PDE3A: variants seen among roughly 807,000 people sequenced by gnomAD.
The protein encoded by PDE3A is cGMP-inhibited 3',5'-cyclic phosphodiesterase 3A.
In PDE3A, 43 loss-of-function variants were observed where a neutral mutation model predicts 98.3. The ratio of observed to expected loss-of-function variants is 0.44; its 90% CI spans 0.34 to 0.56. The LOEUF (loss-of-function observed/expected upper bound fraction) is 0.56. Among genes scored for constraint, PDE3A ranks in the 20% least tolerant of loss-of-function variants. PDE3A has a pLI of 0.01. For synonymous variants in PDE3A, 663 were observed against 567.9 expected (o/e 1.17, Z -2.38); for missense variants, 1,427 against 1,440.7 (o/e 0.99, Z 0.15).
intron 1 of PDE3A, among the ~76,000 whole-genome samples, chr12:20,460,636 A>G (rs777607014): frequency 5.9e-5 from 9 of 152,216 alleles, no homozygotes; most frequent in Non-Finnish European, 8.8e-5. Context: ...AGACAAGACT[A>G]CTTTTTCATT....
At chr12:20,540,535 A>G (rs747379195) in intron 1 of PDE3A, among the ~76,000 whole-genome samples, 28 of 152,132 alleles carry the variant, frequency 1.8e-4, no homozygotes, top group Non-Finnish European at 7.4e-5. Context: ...TCATTCCTTC[A>G]TGACAACTTC....
Position 20,607,714 on chromosome 12 carries a change from A to AC in PDE3A, c.1012-5729_1012-5728insC, listed in dbSNP as rs768374314. 3.4e-3 allele frequency among the ~76,000 whole-genome samples: 497 copies of AC among 147,744 alleles called. 5 individuals are homozygous for AC. The highest frequency in any genetic ancestry group is 0.011 in the African/African-American group (446 of 40,510). ...GTAGAATGTTTTATATTGCTTGGTA[A>AC]GTTTTTTTTTTTAAAGGAAAAGATT... is the stretch of plus-strand genomic sequence containing the variant. On this transcript the variant is annotated intron_variant, in intron 2 of 15. Coordinates refer to ENST00000359062, the MANE Select transcript of PDE3A (RefSeq NM_000921.5).
At chr12:20,438,623 G>T (rs1001706474) in intron 1 of PDE3A, among the ~76,000 whole-genome samples, 10 of 152,174 alleles carry the variant, frequency 6.6e-5, no homozygotes, top group Non-Finnish European at 1.2e-4. Context: ...ACAGGATATG[G>T]ACTTGCTATG....
rs1190498480 is a variant in PDE3A, at chr12:20,685,086, T to G, written c.*4815T>G. On this transcript the variant is annotated 3_prime_UTR_variant, in exon 16 of 16. Coordinates refer to ENST00000359062, the MANE Select transcript of PDE3A (RefSeq NM_000921.5). ...TTTTTGTGTTCCCACCAGCAAATCA[T>G]TCTAACAGCAGGCTAACAATGGTGA... Among the ~76,000 whole-genome samples the G allele has an allele frequency of 2.0e-5, 3 of 152,162 alleles. No homozygotes were observed. Among genetic ancestry groups the G allele is most frequent in the African/African-American group, 7.2e-5 (3 of 41,448 alleles).
chr12:20,438,786 G>A (rs944907655), intron 1 of PDE3A, among the ~76,000 whole-genome samples: 1 of 150,154 alleles, frequency 6.7e-6, no homozygotes, highest in Non-Finnish European at 1.5e-5. Context: ...TTGAGATGGA[G>A]TCTTGCTTTG....
chr12:20,594,201 AT>A (rs10711428), intron 2 of PDE3A, among the ~76,000 whole-genome samples: 150,130 of 152,288 alleles, frequency 0.99, 74,027 homozygotes, highest in East Asian at 1. Flanking sequence ...TTAGTAGAGG[AT>A]AATGCTAACA....
At chr12:20,386,219 AT>A (rs1469417480) in intron 1 of PDE3A, among the ~76,000 whole-genome samples, 2 of 39,408 alleles carry the variant, frequency 5.1e-5, no homozygotes, top group East Asian at 7.9e-3. Context: ...ATATAAATAT[AT>A]AAAAAATAAA....
chr12:20,651,944 G>A (rs1196463658), intron 14 of PDE3A, among the ~76,000 whole-genome samples: 2 of 133,316 alleles, frequency 1.5e-5, no homozygotes, highest in South Asian at 5.2e-4. Flanking sequence ...ACAGTCCCCA[G>A]TGTGTGATGT....
chr12:20,391,004 A>T (rs1306013848), intron 1 of PDE3A, among the ~76,000 whole-genome samples: 1 of 151,924 alleles, frequency 6.6e-6, no homozygotes, highest in Non-Finnish European at 1.5e-5. Flanking sequence ...CTGAGTCAGT[A>T]CAGACTTCAG....
chr12:20,432,054 CAATG>C (rs776268632), intron 1 of PDE3A, among the ~76,000 whole-genome samples: 1 of 151,984 alleles, frequency 6.6e-6, no homozygotes, highest in Non-Finnish European at 1.5e-5. Flanking sequence ...GTGCCAATGA[CAATG>C]AAATATTTGA....
chr12:20,668,554 C>G (rs189385012), intron 15 of PDE3A, among the ~76,000 whole-genome samples: 50 of 152,314 alleles, frequency 3.3e-4, no homozygotes, highest in African/African-American at 1.2e-3. Flanking sequence ...GACCCCTGAG[C>G]AGCCTAACTG....
intron 1 of PDE3A, among the ~76,000 whole-genome samples, chr12:20,389,902 T>C (rs1943882346): frequency 6.6e-6 from 1 of 151,798 alleles, no homozygotes; most frequent in African/African-American, 2.4e-5. Flanking sequence ...AGGCTGACTA[T>C]AATCAATTTC....
chr12:20,673,106 T>C (rs1009547414), intron 15 of PDE3A, among the ~76,000 whole-genome samples: 302 of 152,102 alleles, frequency 2.0e-3, no homozygotes, highest in African/African-American at 7.0e-3. Context: ...AAAATGCTCA[T>C]CATCACTGGC....
intron 2 of PDE3A, chr12:20,572,121 T>A: frequency 1.6e-6 from 2 of 1,278,746 alleles, no homozygotes; most frequent in Non-Finnish European, 2.0e-6. Flanking sequence ...TCATTACTGA[T>A]TATACATGGT....
rs1272651925 is a variant in PDE3A at position 20,648,629 on chromosome 12, C to G, written c.2566-59C>G. 3.7e-6 allele frequency: 4 copies of G among 1,081,258 alleles called. No individual in the cohort carries two copies. In the East Asian group the frequency reaches 9.5e-5, roughly 26 times the overall value. The allele number at this position is 1,081,258 out of a possible 1,614,324, so 67.0% of individuals were successfully genotyped here. Reference sequence around the variant, plus strand: ...CAATTTCAAAAGCATTGCATATTCTCATGATTTTTGTGATTATTTTCTTAA... The same window carrying G: ...CAATTTCAAAAGCATTGCATATTCTGATGATTTTTGTGATTATTTTCTTAA... On this transcript the variant is annotated intron_variant, in intron 12 of 15. Coordinates refer to ENST00000359062, the MANE Select transcript of PDE3A (RefSeq NM_000921.5).
At chr12:20,433,761 T>G (rs889356302) in intron 1 of PDE3A, among the ~76,000 whole-genome samples, 2 of 152,198 alleles carry the variant, frequency 1.3e-5, no homozygotes, top group Admixed American at 6.5e-5. Flanking sequence ...ACAAAATATA[T>G]GTCTTCTCTG....
chr12:20,449,799 T>G, intron 1 of PDE3A: 1 of 525,752 alleles, frequency 1.9e-6, no homozygotes. Context: ...ACTTGGTCAG[T>G]TTTGGTTGCT....
At chr12:20,581,816 T>G (rs1016416203) in intron 2 of PDE3A, among the ~76,000 whole-genome samples, 4 of 151,602 alleles carry the variant, frequency 2.6e-5, no homozygotes, top group African/African-American at 9.7e-5. Context: ...GTTTCACCGT[T>G]TTAGCCGGGA....
At chr12:20,405,617 A>G (rs1222828063) in intron 1 of PDE3A, among the ~76,000 whole-genome samples, 3 of 152,284 alleles carry the variant, frequency 2.0e-5, no homozygotes, top group African/African-American at 7.2e-5. Flanking sequence ...TGAAAATAAA[A>G]TCGTATATAT....
Sources: allele counts gnomAD v4.1 joint callset (sites outside exome capture counted in the v4.1 genomes callset), GRCh38; gene constraint gnomAD v4.1.1; transcripts MANE v1.5; gene names NCBI Gene and HGNC (gene_info 2026-07-23, HGNC 2026-07-21).